Variants in NEK11 observed in about 807,000 individuals in gnomAD.
The protein encoded by NEK11 is serine/threonine-protein kinase Nek11.
Under a neutral mutation model 80.7 loss-of-function variants are expected in NEK11, and 72 were observed. The observed-to-expected ratio is 0.89, with a 90% CI of 0.74 to 1.08. The LOEUF is 1.08. NEK11 is among the 50% of genes least tolerant of loss of function. The pLI is 0.00. For missense variants in NEK11, 764 were observed against 763.6 expected, an observed-to-expected ratio of 1.00 and a Z score of -0.01; for synonymous variants, 251 against 260.7, an observed-to-expected ratio of 0.96 and a Z score of 0.36.
At chr3:131,234,259 A>C (rs915307239) in intron 15 of NEK11, among the ~76,000 whole-genome samples, 2 of 152,184 alleles carry the variant, frequency 1.3e-5, no homozygotes, top group Non-Finnish European at 2.9e-5. Flanking sequence ...ATCTCCTCCT[A>C]CTATGTCCTT....
At chr3:131,067,998 A>C (rs1393509700) in intron 3 of NEK11, among the ~76,000 whole-genome samples, 1 of 152,168 alleles carries the variant, frequency 6.6e-6, no homozygotes, top group African/African-American at 2.4e-5. Context: ...CAGTGTTCTC[A>C]TCTGTAAGAT....
At chr3:131,269,406 C>T (rs1039108114) in intron 16 of NEK11, among the ~76,000 whole-genome samples, 7 of 152,156 alleles carry the variant, frequency 4.6e-5, no homozygotes, top group South Asian at 4.1e-4. Context: ...CATAGGCACC[C>T]GAGGGAATCT....
chr3:131,338,279 T>TG (rs1466000409), intron 17 of NEK11, among the ~76,000 whole-genome samples: 1 of 149,150 alleles, frequency 6.7e-6, no homozygotes, highest in Non-Finnish European at 1.5e-5. Flanking sequence ...TTTTTTTTTT[T>TG]TTTTTTTTTT....
rs1156519090 is a variant in NEK11 at position 131,132,853 on chromosome 3, T to C, written c.520+44T>C. The C allele has an allele frequency of 3.7e-6, 3 of 805,180 alleles. No individual in the cohort carries two copies. In the South Asian group the frequency reaches 5.0e-5, roughly 14 times the overall value. The allele number at this position is 805,180 out of a possible 1,614,324, so 49.9% of individuals were successfully genotyped here. On this transcript the variant is annotated intron_variant, in intron 6 of 17. Transcript: ENST00000383366. Reference sequence around the variant, plus strand: ...TGAATTCCAAAAACGCAGAACAGTATATTCTAGATATTATCATATCAAATT... The same window carrying C: ...TGAATTCCAAAAACGCAGAACAGTACATTCTAGATATTATCATATCAAATT...
intron 16 of NEK11, among the ~76,000 whole-genome samples, chr3:131,248,852 C>T (rs1286061033): frequency 1.3e-5 from 2 of 152,208 alleles, no homozygotes; most frequent in Admixed American, 6.5e-5. Context: ...AGACCCTGTT[C>T]TTTTACCAGT....
chr3:131,228,558 A>G lies in NEK11; in HGVS notation c.1430A>G (p.Glu477Gly), dbSNP rs1280793252. ...EIPEDPLVAE[E>G]YYADAFDSYC... Reference sequence around the variant, plus strand: ...CCAGAAGACCCACTTGTGGCTGAAGAGTACTACGCTGATGCATTTGATTCC... The same window carrying G: ...CCAGAAGACCCACTTGTGGCTGAAGGGTACTACGCTGATGCATTTGATTCC... The change falls in exon 15 of 18, where the codon GAG becomes GGG. Residue 477 changes from glutamate (E) to glycine (G), a missense_variant. Coordinates refer to ENST00000383366, the MANE Select transcript of NEK11 (RefSeq NM_024800.5). 6.2e-7 allele frequency: 1 copy of G among 1,608,434 alleles called. No individual in the cohort carries two copies. Among genetic ancestry groups the G allele is most frequent in the African/African-American group, 1.3e-5 (1 of 74,836 alleles).
intron 14 of NEK11, among the ~76,000 whole-genome samples, chr3:131,178,856 TTTAA>T (rs2093191865): frequency 6.6e-6 from 1 of 152,204 alleles, no homozygotes; most frequent in Non-Finnish European, 1.5e-5. Context: ...AATTTTTTAG[TTTAA>T]TTATTATCTT....
At chr3:131,212,446 G>C (rs144198017) in intron 14 of NEK11, among the ~76,000 whole-genome samples, 2,568 of 152,274 alleles carry the variant, frequency 0.017, 47 homozygotes, top group Non-Finnish European at 0.021. Context: ...GGGGGTCAGG[G>C]ACCCACTTGA....
At chr3:131,331,730 C>T (rs1053734985) in intron 17 of NEK11, among the ~76,000 whole-genome samples, 7 of 152,198 alleles carry the variant, frequency 4.6e-5, no homozygotes, top group African/African-American at 1.2e-4. Flanking sequence ...GGGTGACAGA[C>T]GGCACCTGGA....
chr3:131,102,146 C>T (rs2078458763), intron 4 of NEK11, among the ~76,000 whole-genome samples: 3 of 151,954 alleles, frequency 2.0e-5, no homozygotes. Context: ...GCTTGCCACT[C>T]TTTTGCTTTT....
chr3:131,089,456 T>A (rs1445628334), intron 4 of NEK11, among the ~76,000 whole-genome samples: 1 of 152,198 alleles, frequency 6.6e-6, no homozygotes, highest in Non-Finnish European at 1.5e-5. Flanking sequence ...TGTTTTATTT[T>A]GCGATGGAGT....
At chr3:131,100,579 AAATT>A (rs146085587) in intron 4 of NEK11, among the ~76,000 whole-genome samples, 7,146 of 152,196 alleles carry the variant, frequency 0.047, 526 homozygotes, top group African/African-American at 0.16. Flanking sequence ...CTAAATAAAT[AAATT>A]AATTAAGCCT....
intron 15 of NEK11, among the ~76,000 whole-genome samples, chr3:131,241,606 A>C (rs562904147): frequency 6.6e-6 from 1 of 152,160 alleles, no homozygotes; most frequent in Non-Finnish European, 1.5e-5. Flanking sequence ...TTCTAAAAAC[A>C]GAAACATTTT....
intron 4 of NEK11, among the ~76,000 whole-genome samples, chr3:131,101,633 G>C (rs2078379217): frequency 6.6e-6 from 1 of 152,142 alleles, no homozygotes; most frequent in Non-Finnish European, 1.5e-5. Context: ...ATTGAGACTT[G>C]CTTTATGACC....
chr3:131,276,372 G>C (rs77272613), intron 17 of NEK11, among the ~76,000 whole-genome samples: 2,351 of 152,226 alleles, frequency 0.015, 60 homozygotes, highest in African/African-American at 0.054. Flanking sequence ...GTCATTAGAG[G>C]CCTCTGCCAA....
chr3:131,057,350 G>A lies in NEK11; in HGVS notation c.171-23073G>A, dbSNP rs752888668. ...GTGAATAATGCCGCAGTAAACATAC[G>A]TGTGCATGTGTCTTTATAGCAGCAT... On this transcript the variant is annotated intron_variant, in intron 3 of 17. Transcript: ENST00000383366. Among the ~76,000 whole-genome samples the A allele has an allele frequency of 3.0e-3, 463 of 152,186 alleles. 1 individual carries two copies. The highest frequency in any genetic ancestry group is 6.8e-3 in the Middle Eastern group (2 of 294).
intron 14 of NEK11, among the ~76,000 whole-genome samples, chr3:131,223,238 C>A (rs532431005): frequency 4.6e-5 from 7 of 152,212 alleles, no homozygotes; most frequent in Admixed American, 1.3e-4. Flanking sequence ...AACGGACTTA[C>A]GTTTTTTTTG....
At chr3:131,066,242 A>G (rs1012896508) in intron 3 of NEK11, among the ~76,000 whole-genome samples, 1 of 152,158 alleles carries the variant, frequency 6.6e-6, no homozygotes, top group African/African-American at 2.4e-5. Context: ...TTAAATTCTC[A>G]CAAGCCATCT....
At chr3:131,101,440 T>C (rs1199370087) in intron 4 of NEK11, among the ~76,000 whole-genome samples, 3 of 152,244 alleles carry the variant, frequency 2.0e-5, no homozygotes, top group African/African-American at 7.2e-5. Flanking sequence ...TCTATTTTCA[T>C]TAATTTCAAA....
Sources: allele counts gnomAD v4.1 joint callset (sites outside exome capture counted in the v4.1 genomes callset), GRCh38; gene constraint gnomAD v4.1.1; transcripts MANE v1.5; gene names NCBI Gene and HGNC (gene_info 2026-07-23, HGNC 2026-07-21).